ERBB4: variants seen among roughly 807,000 people sequenced by gnomAD.
ERBB4 encodes the protein erb-b2 receptor tyrosine kinase 4.
Under a neutral mutation model 158.0 loss-of-function variants are expected in ERBB4, and 42 were observed. That is an observed-to-expected ratio of 0.27 (90% confidence interval 0.21 to 0.34). ERBB4 has a LOEUF of 0.34. ERBB4 is among the 10% of genes least tolerant of loss of function. The pLI is 1.00. For synonymous variants in ERBB4, 583 were observed against 558.7 expected, an observed-to-expected ratio of 1.04 and a Z score of -0.61; for missense variants, 1,333 against 1,624.1, an observed-to-expected ratio of 0.82 and a Z score of 3.08.
chr2:212,164,186 T>C (rs2081281725), intron 1 of ERBB4, among the ~76,000 whole-genome samples: 1 of 151,884 alleles, frequency 6.6e-6, no homozygotes, highest in Non-Finnish European at 1.5e-5. Flanking sequence ...CACTGTCCAA[T>C]ACAGTAGCCA....
At chr2:211,652,613 TTAA>T (rs1351637630) in intron 16 of ERBB4, among the ~76,000 whole-genome samples, 1 of 152,240 alleles carries the variant, frequency 6.6e-6, no homozygotes, top group Non-Finnish European at 1.5e-5. Flanking sequence ...GACCTGTTAC[TTAA>T]TAACCACTAT....
At chr2:211,967,947 T>A (rs935607027) in intron 2 of ERBB4, among the ~76,000 whole-genome samples, 1 of 151,976 alleles carries the variant, frequency 6.6e-6, no homozygotes, top group Non-Finnish European at 1.5e-5. Context: ...GTTAACTGTA[T>A]AAAACAAGGT....
intron 1 of ERBB4, among the ~76,000 whole-genome samples, chr2:212,168,672 T>C (rs2125666347): frequency 6.6e-6 from 1 of 152,296 alleles, no homozygotes; most frequent in African/African-American, 2.4e-5. Context: ...GAAGGCTTCA[T>C]GTAGCACATG....
At position 211,931,492 on chromosome 2, in the gene ERBB4, G is replaced by A. The variant is rs538439965; in HGVS notation, c.421+15938C>T. Among the ~76,000 whole-genome samples the A allele has an allele frequency of 2.0e-5, 3 of 151,996 alleles. No individual in the cohort carries two copies. The East Asian group carries it at 5.8e-4, about 29-fold the overall frequency. ...ACCGTTCTCTGCTGAATTGGAAGGG[G>A]TAATGTCATGTCCTCACTTGTTCTA... is the stretch of plus-strand genomic sequence containing the variant. On this transcript the variant is annotated intron_variant, in intron 3 of 27. Transcript: ENST00000342788.
chr2:211,860,350 C>T (rs936294166), intron 3 of ERBB4, among the ~76,000 whole-genome samples: 1 of 152,122 alleles, frequency 6.6e-6, no homozygotes, highest in Admixed American at 6.5e-5. Flanking sequence ...TTTTATAAGC[C>T]TAACTCTTAA....
rs1331051825 is a variant in ERBB4 at position 212,087,597 on chromosome 2, AC to A, written c.234+37154del. ...CCACTCAGCACTCTACACAGTCCAA[AC>A]CAGCTTGAGAGGTGAAAATTTGCAC... On this transcript the variant is annotated intron_variant, in intron 2 of 27. Coordinates refer to ENST00000342788, the MANE Select transcript of ERBB4 (RefSeq NM_005235.3). 4.6e-5 allele frequency among the ~76,000 whole-genome samples: 7 copies of A among 152,174 alleles called. No individual in the cohort carries two copies. In the South Asian group the frequency reaches 1.5e-3, roughly 32 times the overall value.
intron 2 of ERBB4, among the ~76,000 whole-genome samples, chr2:212,053,308 T>C (rs1296555215): frequency 1.3e-5 from 2 of 152,196 alleles, no homozygotes; most frequent in South Asian, 2.1e-4. Flanking sequence ...TCAGAAGTCA[T>C]AATTAATTCC....
At chr2:211,427,446 TGCTAAATAGCTCATCTTAACAATTAA>T (rs1185578229) in intron 22 of ERBB4, among the ~76,000 whole-genome samples, 4 of 152,264 alleles carry the variant, frequency 2.6e-5, no homozygotes, top group African/African-American at 9.6e-5. Context: ...GCCAGACAGA[TGCTAAATAGCTCATCTTAACAATTAA>T]GTTAAACACA....
intron 1 of ERBB4, among the ~76,000 whole-genome samples, chr2:212,189,409 T>C (rs1449750659): frequency 6.6e-6 from 1 of 152,212 alleles, no homozygotes; most frequent in African/African-American, 2.4e-5. Context: ...GTCATTTTAT[T>C]TCAAGACTTC....
chr2:211,603,056 C>A (rs2068847732), intron 19 of ERBB4, among the ~76,000 whole-genome samples: 1 of 152,048 alleles, frequency 6.6e-6, no homozygotes, highest in Non-Finnish European at 1.5e-5. Context: ...GATGGTGAAA[C>A]TCCATCTCTA....
intron 1 of ERBB4, among the ~76,000 whole-genome samples, chr2:212,193,816 G>T (rs77856058): frequency 0.031 from 4,788 of 152,042 alleles, 230 homozygotes; most frequent in African/African-American, 0.1. Flanking sequence ...TCTTCAATTA[G>T]AATACTAAAA....
At chr2:212,120,347 C>A (rs2079710261) in intron 2 of ERBB4, among the ~76,000 whole-genome samples, 1 of 152,146 alleles carries the variant, frequency 6.6e-6, no homozygotes, top group Admixed American at 6.5e-5. Flanking sequence ...TCCCACATAC[C>A]TGGCCTGTGT....
chr2:211,839,364 A>AT (rs889650462), intron 3 of ERBB4, among the ~76,000 whole-genome samples: 44 of 96,998 alleles, frequency 4.5e-4, no homozygotes, highest in Non-Finnish European at 1.6e-4. Context: ...ACAAGATATA[A>AT]TAAAAAAAAA....
chr2:212,222,782 G>T (rs573895639), intron 1 of ERBB4, among the ~76,000 whole-genome samples: 4 of 151,324 alleles, frequency 2.6e-5, no homozygotes, highest in Non-Finnish European at 5.9e-5. Context: ...TGCATATTTT[G>T]GGGGGTTGTT....
chr2:212,447,782 G>A (rs1259962911), intron 1 of ERBB4, among the ~76,000 whole-genome samples: 1 of 150,432 alleles, frequency 6.6e-6, no homozygotes, highest in East Asian at 1.9e-4. Context: ...GATTGTGTGT[G>A]TGTGTGTGTG....
At chr2:212,535,286 C>T (rs1412916898) in intron 1 of ERBB4, among the ~76,000 whole-genome samples, 2 of 151,644 alleles carry the variant, frequency 1.3e-5, no homozygotes, top group Non-Finnish European at 2.9e-5. Context: ...AACATTGTAC[C>T]GATAGATGTG....
chr2:211,521,814 A>C (rs1343665845), intron 20 of ERBB4, among the ~76,000 whole-genome samples: 1 of 152,138 alleles, frequency 6.6e-6, no homozygotes, highest in Non-Finnish European at 1.5e-5. Flanking sequence ...TACACTGCCT[A>C]TGCTCTATAA....
chr2:211,469,741 T>C (rs572371247), intron 20 of ERBB4, among the ~76,000 whole-genome samples: 1 of 152,198 alleles, frequency 6.6e-6, no homozygotes, highest in African/African-American at 2.4e-5. Context: ...ATATAAAATC[T>C]TTGTCGTGCA....
chr2:211,478,063 G>C (rs901167719), intron 20 of ERBB4, among the ~76,000 whole-genome samples: 5 of 152,120 alleles, frequency 3.3e-5, no homozygotes, highest in African/African-American at 1.2e-4. Flanking sequence ...CCAACAGGAA[G>C]CTAGATCTGC....
Sources: gnomAD v4.1 joint callset for allele counts (sites outside exome capture counted in the v4.1 genomes callset) on GRCh38, gnomAD v4.1.1 for gene constraint, MANE v1.5 for transcripts, NCBI Gene and HGNC (gene_info 2026-07-23, HGNC 2026-07-21) for gene names.